Variants in RFX8 observed in about 807,000 individuals in gnomAD.
RFX8 encodes the protein regulatory factor X8.
In RFX8, 46 loss-of-function variants were observed where a neutral mutation model predicts 54.6. The ratio of observed to expected loss-of-function variants is 0.84; its 90% CI spans 0.67 to 1.08. The LOEUF (loss-of-function observed/expected upper bound fraction) is 1.08, where lower values mean the gene tolerates loss of function less well. RFX8 is among the 50% of genes least tolerant of loss of function. The pLI is 0.00. For missense variants in RFX8, 536 were observed against 562.3 expected (o/e 0.95, Z 0.47); for synonymous variants, 192 against 209.5 (o/e 0.92, Z 0.72).
At chr2:101,431,795 C>T (rs2104614353) in intron 2 of RFX8, among the ~76,000 whole-genome samples, 1 of 152,262 alleles carries the variant, frequency 6.6e-6, no homozygotes, top group South Asian at 2.1e-4. Context: ...GGGCTTAATT[C>T]AGCAGCAATC....
chr2:101,452,607 A>C (rs115872455), intron 2 of RFX8, among the ~76,000 whole-genome samples: 4,130 of 152,332 alleles, frequency 0.027, 79 homozygotes, highest in Non-Finnish European at 0.045. Flanking sequence ...GTAACAATAA[A>C]GAAAATAAAT....
intron 2 of RFX8, among the ~76,000 whole-genome samples, chr2:101,425,720 C>T (rs1310051965): frequency 6.6e-6 from 1 of 152,096 alleles, no homozygotes; most frequent in Non-Finnish European, 1.5e-5. Flanking sequence ...TGTTCTTTCA[C>T]AAACAATATT....
At chr2:101,473,129 AG>A (rs755291086) in intron 1 of RFX8, among the ~76,000 whole-genome samples, 23 of 152,200 alleles carry the variant, frequency 1.5e-4, no homozygotes, top group Non-Finnish European at 3.1e-4. Context: ...GACCATCATA[AG>A]CCCCCTGGTT....
At chr2:101,408,912 A>T (rs1558840248) in intron 9 of RFX8, among the ~76,000 whole-genome samples, 2 of 152,208 alleles carry the variant, frequency 1.3e-5, no homozygotes, top group African/African-American at 4.8e-5. Flanking sequence ...AGGTGGCACA[A>T]GGGAGTGGCC....
intron 4 of RFX8, chr2:101,421,174 A>AG: frequency 4.7e-6 from 4 of 847,140 alleles, no homozygotes; most frequent in Non-Finnish European, 5.7e-6. Flanking sequence ...CTAAAGCATC[A>AG]GGAAAAAAAT....
chr2:101,414,475 T>C (rs1003521039), intron 7 of RFX8, among the ~76,000 whole-genome samples: 8 of 151,312 alleles, frequency 5.3e-5, no homozygotes, highest in Admixed American at 2.0e-4. Context: ...GGTTTTGCCA[T>C]GTTGGCCAGG....
intron 4 of RFX8, among the ~76,000 whole-genome samples, 184 bp from the exon 5 acceptor site, chr2:101,419,148 T>G (rs1186561481): frequency 6.6e-6 from 1 of 152,230 alleles, no homozygotes; most frequent in Non-Finnish European, 1.5e-5. Flanking sequence ...ACAACCCATC[T>G]GAGAGCACCT....
chr2:101,422,555 T>C, intron 2 of RFX8, 83 bp from the exon 3 acceptor site: 1 of 767,020 alleles, frequency 1.3e-6, no homozygotes, highest in East Asian at 2.7e-5. Context: ...ATCACACTAC[T>C]ATAAGTTAAT....
In RFX8 at chr2:101,405,951, T is replaced by C. The variant is rs1685706378; in HGVS notation, c.920A>G (p.Asp307Gly). 2 of 1,524,254 alleles carry C rather than the reference T, an allele frequency of 1.3e-6. No homozygotes were observed. Among genetic ancestry groups the C allele is most frequent in the African/African-American group, 1.4e-5 (1 of 71,942 alleles). The allele number at this position is 1,524,254 out of a possible 1,614,324, so 94.4% of individuals were successfully genotyped here. A position where few individuals can be genotyped will look rare whatever the true frequency, so the allele number is the denominator to read the frequency against. Residue 307 changes from aspartate to glycine, a missense_variant, in exon 10 of 12, where the codon GAT becomes GGT. Transcript: ENST00000428343. ...VSKAMTLCHR[D>G]SFGSWHLFHL... is the part of the protein sequence containing the mutation. ...CTTATTCTCTGACTTACCAAAACTA[T>C]CTCTGTGGCAGAGGGTCATGGCTTT...
At chr2:101,443,570 C>A (rs1184331081) in intron 2 of RFX8, among the ~76,000 whole-genome samples, 2 of 151,930 alleles carry the variant, frequency 1.3e-5, no homozygotes, top group Non-Finnish European at 2.9e-5. Context: ...GGAAATTATT[C>A]TACAGACAAG....
chr2:101,455,498 T>C (rs1688918763), intron 2 of RFX8, among the ~76,000 whole-genome samples: 3 of 152,236 alleles, frequency 2.0e-5, no homozygotes. Flanking sequence ...CTTGTTTTTG[T>C]CAGGTTTGTC....
At chr2:101,428,109 C>G (rs1687286552) in intron 2 of RFX8, among the ~76,000 whole-genome samples, 1 of 152,092 alleles carries the variant, frequency 6.6e-6, no homozygotes, top group Non-Finnish European at 1.5e-5. Context: ...GCCTGGCCAA[C>G]TTGATGAAAC....
At chr2:101,403,966 G>A (rs1293465457) in intron 10 of RFX8, among the ~76,000 whole-genome samples, 1 of 152,068 alleles carries the variant, frequency 6.6e-6, no homozygotes, top group Non-Finnish European at 1.5e-5. Context: ...GATGCAAAAG[G>A]GATCTGTCCT....
At chr2:101,460,582 A>G (rs1296881009) in intron 2 of RFX8, among the ~76,000 whole-genome samples, 2 of 151,990 alleles carry the variant, frequency 1.3e-5, no homozygotes, top group Admixed American at 6.6e-5. Context: ...ATGCATGTTG[A>G]GAGTGGAAAT....
At chr2:101,445,669 A>G (rs1469480382) in intron 2 of RFX8, among the ~76,000 whole-genome samples, 3 of 151,978 alleles carry the variant, frequency 2.0e-5, no homozygotes, top group African/African-American at 7.3e-5. Flanking sequence ...AACTCAAACA[A>G]TCTGCCCATG....
rs180989865 is a variant in RFX8 at position 101,433,713 on chromosome 2, G to C, written c.73-11241C>G. Reference sequence around the variant, plus strand: ...ACTCTAACCAGTGGTGAAACAACTTGAAGCAATTACAAAGGTAAGAGGATA... The same window carrying C: ...ACTCTAACCAGTGGTGAAACAACTTCAAGCAATTACAAAGGTAAGAGGATA... On this transcript the variant is annotated intron_variant, in intron 2 of 11. Coordinates refer to ENST00000428343, the MANE Select transcript of RFX8 (RefSeq NM_001145664.2). Among the ~76,000 whole-genome samples the C allele has an allele frequency of 4.0e-3, 602 of 152,304 alleles. 3 individuals are homozygous for C. The highest frequency in any genetic ancestry group is 0.013 in the African/African-American group (538 of 41,570).
chr2:101,421,570 A>G, intron 4 of RFX8, 154 bp downstream of exon 4: 1 of 1,390,122 alleles, frequency 7.2e-7, no homozygotes. Flanking sequence ...AATGACTACA[A>G]CATAGGTACA....
rs760120432 is a variant in RFX8, at chr2:101,421,714, A to C, written c.237+10T>G. 1 of 1,550,178 alleles carries C rather than the reference A, an allele frequency of 6.5e-7. No individual in the cohort carries two copies. The highest frequency in any genetic ancestry group is 2.4e-5 in the East Asian group (1 of 40,874). ...TAAAACCCTACCCTCTCAAGTTCTC[A>C]GTTCCTCACATTTCGTAAAATGTCT... is the stretch of plus-strand genomic sequence containing the variant. On this transcript the variant is annotated intron_variant, in intron 4 of 11. Transcript: ENST00000428343.
chr2:101,418,972 A>G lies in RFX8; in HGVS notation c.238-8T>C. On this transcript the variant is annotated splice_region_variant and splice_polypyrimidine_tract_variant and intron_variant, in intron 4 of 11. Transcript: ENST00000428343. The stretch of plus-strand genomic sequence containing the variant: ...AGTAAGCAAGTCCTCCACCTGGGGT[A>G]AGTAACAGAGCATATCGCCAAAACT... The G allele has an allele frequency of 6.7e-7, 1 of 1,489,770 alleles. No homozygotes were observed. The highest frequency in any genetic ancestry group is 9.2e-7 in the Non-Finnish European group (1 of 1,091,706). 92.3% of individuals were successfully genotyped at this position (1,489,770 alleles called of 1,614,324 possible). A position where few individuals can be genotyped will look rare whatever the true frequency, so the allele number is the denominator to read the frequency against.
Sources: gnomAD v4.1 joint callset for allele counts (sites outside exome capture counted in the v4.1 genomes callset) on GRCh38, gnomAD v4.1.1 for gene constraint, MANE v1.5 for transcripts, NCBI Gene and HGNC (gene_info 2026-07-23, HGNC 2026-07-21) for gene names.